CDC16: variants seen among roughly 807,000 people sequenced by gnomAD.
CDC16 encodes cell division cycle 16, also known as cell division cycle protein 16 homolog.
CDC16 carries 34 observed loss-of-function variants against 87.0 expected under a neutral mutation model. The observed-to-expected ratio is 0.39, with a 90% CI of 0.30 to 0.52. CDC16 has a LOEUF of 0.52. CDC16 is among the 20% of genes least tolerant of loss of function. The probability of loss-of-function intolerance (pLI) is 0.74; values close to 1 mark genes in which losing one functional copy is unlikely to be tolerated. For synonymous variants in CDC16, 263 were observed against 260.6 expected, an observed-to-expected ratio of 1.01 and a Z score of -0.09; for missense variants, 653 against 751.9, an observed-to-expected ratio of 0.87 and a Z score of 1.54.
chr13:114,255,181 A>AC (rs1429980838), intron 12 of CDC16, among the ~76,000 whole-genome samples: 1 of 152,220 alleles, frequency 6.6e-6, no homozygotes, highest in Non-Finnish European at 1.5e-5. Context: ...TGTACTAATG[A>AC]CAGATTTTCT....
At chr13:114,266,854 C>G (rs1594685722) in intron 17 of CDC16, among the ~76,000 whole-genome samples, 1 of 152,142 alleles carries the variant, frequency 6.6e-6, no homozygotes, top group South Asian at 2.1e-4. Flanking sequence ...CATCACCACG[C>G]CCGGCTAATT....
chr13:114,256,686 G>A (rs914933933), intron 12 of CDC16, among the ~76,000 whole-genome samples: 3 of 152,184 alleles, frequency 2.0e-5, no homozygotes, highest in Non-Finnish European at 4.4e-5. Context: ...CTTCATAAAG[G>A]GAAGTAGAAG....
intron 8 of CDC16, chr13:114,244,443 A>C (rs997550821): frequency 2.5e-5 from 4 of 159,756 alleles, no homozygotes; most frequent in African/African-American, 9.6e-5. Context: ...TCGGTTTAAA[A>C]TCCTTGAAAT....
At chr13:114,261,858 C>T in intron 14 of CDC16, 29 bp from the exon 15 acceptor site, 2 of 1,533,156 alleles carry the variant, frequency 1.3e-6, no homozygotes, top group Non-Finnish European at 1.8e-6. Context: ...ACATATATAA[C>T]TCGTGGGCTT....
intron 1 of CDC16, among the ~76,000 whole-genome samples, chr13:114,235,704 A>G (rs954256927): frequency 2.6e-5 from 4 of 152,194 alleles, no homozygotes; most frequent in African/African-American, 9.7e-5. Context: ...TTTTGTTGAA[A>G]TGCTTGCTCT....
intron 9 of CDC16, among the ~76,000 whole-genome samples, chr13:114,245,267 C>T (rs533119694): frequency 1.6e-4 from 24 of 151,488 alleles, no homozygotes; most frequent in Admixed American, 1.1e-3. Context: ...CTGCCTCCCC[C>T]CCCCTTTTTT....
rs1172797796 is a variant in CDC16 at position 114,243,272 on chromosome 13, A to T, written c.557A>T (p.Glu186Val). The T allele has an allele frequency of 2.0e-6, 3 of 1,530,492 alleles. No homozygotes were observed. Among genetic ancestry groups the T allele is most frequent in the Non-Finnish European group, 2.7e-6 (3 of 1,106,212 alleles). The allele number at this position is 1,530,492 out of a possible 1,614,324, so 94.8% of individuals were successfully genotyped here. The change falls in exon 7 of 18, where the codon GAA (glutamate) becomes GTA (valine). Residue 186 changes from glutamate (E) to valine (V), a missense_variant. Transcript: ENST00000356221. ...LTAQEEKELL[E>V]SLPLSKLCNE... ...CATTTTTAAGAAAAAGAACTTCTTG[A>T]ATCACTACCCCTTAGCAAGCTGTGT... is the stretch of plus-strand genomic sequence containing the variant.
chr13:114,255,031 T>G (rs1362481437), intron 12 of CDC16, among the ~76,000 whole-genome samples: 1 of 152,234 alleles, frequency 6.6e-6, no homozygotes, highest in Non-Finnish European at 1.5e-5. Flanking sequence ...AGAAAAATCT[T>G]AAATCTACCT....
intron 12 of CDC16, 78 bp downstream of exon 12, chr13:114,250,752 G>C: frequency 7.2e-7 from 1 of 1,395,170 alleles, no homozygotes; most frequent in Non-Finnish European, 9.9e-7. Flanking sequence ...TACTATTACT[G>C]CTATTTGGTT....
At chr13:114,245,639 T>A (rs2081825578) in intron 9 of CDC16, 3 of 193,798 alleles carry the variant, frequency 1.5e-5, no homozygotes, top group Non-Finnish European at 3.1e-5. Flanking sequence ...TTAAATAGTA[T>A]CATTGATCTG....
At chr13:114,241,235 G>A (rs2081536336) in intron 5 of CDC16, among the ~76,000 whole-genome samples, 1 of 152,156 alleles carries the variant, frequency 6.6e-6, no homozygotes, top group South Asian at 2.1e-4. Flanking sequence ...AAGTTAGATA[G>A]TAAAGAGTTC....
In CDC16 at chr13:114,235,079, G is replaced by C; in HGVS notation, c.-6G>C. On this transcript the variant is annotated 5_prime_UTR_variant, in exon 1 of 18. Coordinates refer to ENST00000356221, the MANE Select transcript of CDC16 (RefSeq NM_001078645.3). ...GAGTGTGGCGTGAGGCCGGGCCCGC[G>C]CCGCCATGAACCTAGAGCGGCTGCG... is the stretch of plus-strand genomic sequence containing the variant. The C allele has an allele frequency of 8.0e-7, 1 of 1,246,222 alleles. No homozygotes were observed. Among genetic ancestry groups the C allele is most frequent in the Non-Finnish European group, 1.0e-6 (1 of 996,160 alleles). The allele number at this position is 1,246,222 out of a possible 1,614,324, so 77.2% of individuals were successfully genotyped here.
chr13:114,248,987 G>A (rs191325757), intron 11 of CDC16, among the ~76,000 whole-genome samples: 3 of 151,948 alleles, frequency 2.0e-5, no homozygotes, highest in Admixed American at 2.0e-4. Flanking sequence ...GGGGGGACTG[G>A]TTTCTTGATG....
chr13:114,263,248 G>A (rs1040976663), intron 16 of CDC16, among the ~76,000 whole-genome samples: 1 of 152,246 alleles, frequency 6.6e-6, no homozygotes, highest in African/African-American at 2.4e-5. Context: ...CAGGTGCCCA[G>A]TGGCACTCAC....
chr13:114,252,489 C>T (rs540818165), intron 12 of CDC16, among the ~76,000 whole-genome samples: 1 of 152,294 alleles, frequency 6.6e-6, no homozygotes, highest in South Asian at 2.1e-4. Context: ...TAGAGTTGCA[C>T]ACCCAGTTAT....
intron 5 of CDC16, among the ~76,000 whole-genome samples, chr13:114,241,692 T>C (rs1375945135): frequency 6.6e-6 from 1 of 152,220 alleles, no homozygotes; most frequent in Non-Finnish European, 1.5e-5. Flanking sequence ...CAGTTGTGAT[T>C]GACTAAATCC....
intron 11 of CDC16, 118 bp from the exon 12 acceptor site, chr13:114,250,431 G>T: frequency 1.2e-6 from 1 of 867,068 alleles, no homozygotes; most frequent in Non-Finnish European, 1.7e-6. Context: ...GGCGGAGGCT[G>T]CAGAGAGCCG....
intron 5 of CDC16, 40 bp from the exon 6 acceptor site, chr13:114,242,081 A>G: frequency 6.4e-7 from 1 of 1,560,864 alleles, no homozygotes. Flanking sequence ...TTAAGTTTAA[A>G]AGTACTGACT....
intron 14 of CDC16, among the ~76,000 whole-genome samples, chr13:114,261,425 C>T (rs948544933): frequency 2.6e-5 from 4 of 151,968 alleles, no homozygotes; most frequent in African/African-American, 7.3e-5. Context: ...CCTGGTGTGC[C>T]TCATGGAAGG....
Sources: gnomAD v4.1 joint callset for allele counts (sites outside exome capture counted in the v4.1 genomes callset) on GRCh38, gnomAD v4.1.1 for gene constraint, MANE v1.5 for transcripts, NCBI Gene and HGNC (gene_info 2026-07-23, HGNC 2026-07-21) for gene names.